Variants in CERT1 observed in about 807,000 individuals in gnomAD.
The protein encoded by CERT1 is ceramide transfer protein.
Under a neutral mutation model 87.9 loss-of-function variants are expected in CERT1, and 31 were observed. That is an observed-to-expected ratio of 0.35 (90% CI 0.27 to 0.48). The LOEUF (loss-of-function observed/expected upper bound fraction) is 0.48, where lower values mean the gene tolerates loss of function less well. CERT1 is among the 20% of genes least tolerant of loss of function. CERT1 has a pLI of 0.99. For missense variants in CERT1, 487 were observed against 758.0 expected (o/e 0.64, Z 4.20); for synonymous variants, 289 against 250.9 (o/e 1.15, Z -1.44).
At chr5:75,456,707 T>C (rs985490160) in intron 3 of CERT1, among the ~76,000 whole-genome samples, 1 of 146,576 alleles carries the variant, frequency 6.8e-6, no homozygotes, top group Non-Finnish European at 1.5e-5. Context: ...ACTTGTACAA[T>C]GCATCACAAC....
chr5:75,379,123 A>T lies in CERT1; in HGVS notation c.*223T>A. 2.3e-6 allele frequency: 1 copy of T among 434,162 alleles called. No individual in the cohort carries two copies. The allele number at this position is 434,162 out of a possible 1,614,324, so 26.9% of individuals were successfully genotyped here. On this transcript the variant is annotated 3_prime_UTR_variant, in exon 17 of 17. Coordinates refer to ENST00000643780, the MANE Select transcript of CERT1 (RefSeq NM_001379029.1). ...GTTTGAGGCCAGAGGTTGAGGTTGC[A>T]GTGAGCCGTGATGGTGTCATTGCAC...
intron 2 of CERT1, among the ~76,000 whole-genome samples, chr5:75,504,304 C>T (rs1197532789): frequency 6.6e-6 from 1 of 152,008 alleles, no homozygotes; most frequent in Non-Finnish European, 1.5e-5. Context: ...GTACCACATA[C>T]CAGTCAAAAT....
Position 75,484,142 on chromosome 5 carries a change from G to A in CERT1, c.231+21840C>T, listed in dbSNP as rs12519897. Among the ~76,000 whole-genome samples, 1,407 of 151,940 alleles carry A rather than the reference G, an allele frequency of 9.3e-3. 54 individuals are homozygous for A. Among genetic ancestry groups the A allele is most frequent in the Admixed American group, 0.077 (1,178 of 15,262 alleles). Reference sequence around the variant, plus strand: ...TCTGTTTCTTAGTTTGTTTCTTTTTGTAACCAGTGCTAAGTTATCATGAGT... The same window carrying A: ...TCTGTTTCTTAGTTTGTTTCTTTTTATAACCAGTGCTAAGTTATCATGAGT... On this transcript the variant is annotated intron_variant, in intron 2 of 16. Transcript: ENST00000643780.
chr5:75,428,911 TATG>T (rs1303734630), intron 3 of CERT1, among the ~76,000 whole-genome samples: 5 of 152,084 alleles, frequency 3.3e-5, no homozygotes, highest in South Asian at 2.1e-4. Context: ...TTTACATTTG[TATG>T]ATAATTACAT....
intron 2 of CERT1, among the ~76,000 whole-genome samples, chr5:75,460,406 T>C (rs1239059396): frequency 6.6e-6 from 1 of 152,224 alleles, no homozygotes; most frequent in East Asian, 1.9e-4. Flanking sequence ...ATGAGCTATC[T>C]AGAGAAAACT....
chr5:75,487,811 C>T (rs10474437), intron 2 of CERT1, among the ~76,000 whole-genome samples: 18,954 of 151,612 alleles, frequency 0.13, 1,291 homozygotes, highest in East Asian at 0.23. Flanking sequence ...TATAAGTGTC[C>T]GACAACAGAT....
intron 17 of CERT1, chr5:75,369,518 A>C (rs1204732104): frequency 6.6e-6 from 1 of 152,156 alleles, no homozygotes; most frequent in Non-Finnish European, 1.5e-5. Context: ...AATGGGAAAA[A>C]AAAAAACTTA....
intron 8 of CERT1, among the ~76,000 whole-genome samples, chr5:75,409,001 T>C (rs1324831998): frequency 6.6e-6 from 1 of 152,090 alleles, no homozygotes; most frequent in Non-Finnish European, 1.5e-5. Flanking sequence ...TACATACTGC[T>C]GGTAGATGAT....
chr5:75,485,333 A>AAAAAAAAAAAAAT, intron 2 of CERT1, among the ~76,000 whole-genome samples: 1 of 149,114 alleles, frequency 6.7e-6, no homozygotes, highest in Admixed American at 6.7e-5. Flanking sequence ...AAAAAAAAAA[A>AAAAAAAAAAAAAT]AAAAGAACAA....
intron 10 of CERT1, among the ~76,000 whole-genome samples, chr5:75,399,597 A>G (rs1172606248): frequency 1.3e-5 from 2 of 152,230 alleles, no homozygotes; most frequent in African/African-American, 4.8e-5. Context: ...AATAATACAA[A>G]GTAATACCAT....
intron 2 of CERT1, among the ~76,000 whole-genome samples, chr5:75,485,312 C>CGAAAAAAAAAAAAAA (rs1766461038): frequency 2.2e-5 from 1 of 46,438 alleles, no homozygotes. Context: ...CACAAAAATA[C>CGAAAAAAAAAAAAAA]AAAAAAAAAA....
chr5:75,459,413 T>G (rs1006212722), intron 2 of CERT1, among the ~76,000 whole-genome samples: 44 of 152,296 alleles, frequency 2.9e-4, no homozygotes, highest in African/African-American at 1.0e-3. Flanking sequence ...GCTACAAACA[T>G]CTATTTCTAA....
chr5:75,392,356 GA>G (rs1762061016), intron 11 of CERT1, among the ~76,000 whole-genome samples: 1 of 152,110 alleles, frequency 6.6e-6, no homozygotes, highest in Admixed American at 6.6e-5. Flanking sequence ...GTCCAACAAA[GA>G]AACAAACATT....
chr5:75,510,120 T>C (rs1232024842), intron 1 of CERT1, among the ~76,000 whole-genome samples: 1 of 152,180 alleles, frequency 6.6e-6, no homozygotes, highest in Non-Finnish European at 1.5e-5. Flanking sequence ...GGTGATTTCT[T>C]AATAGCCACT....
At chr5:75,409,575 G>A (rs947338725) in intron 8 of CERT1, among the ~76,000 whole-genome samples, 2 of 152,054 alleles carry the variant, frequency 1.3e-5, no homozygotes, top group African/African-American at 4.8e-5. Flanking sequence ...TGCCCAGGCT[G>A]GAGCGCAGTG....
chr5:75,397,115 T>C (rs1473338966), intron 11 of CERT1, among the ~76,000 whole-genome samples: 1 of 152,222 alleles, frequency 6.6e-6, no homozygotes, highest in East Asian at 1.9e-4. Flanking sequence ...AAGGAACTGC[T>C]GAACATAAGG....
intron 2 of CERT1, among the ~76,000 whole-genome samples, chr5:75,467,010 T>C (rs561349589): frequency 6.6e-6 from 1 of 152,258 alleles, no homozygotes; most frequent in South Asian, 2.1e-4. Context: ...CACAAAAACA[T>C]ACAGAAAAAT....
At chr5:75,462,080 T>C (rs1765256324) in intron 2 of CERT1, among the ~76,000 whole-genome samples, 1 of 152,224 alleles carries the variant, frequency 6.6e-6, no homozygotes, top group Non-Finnish European at 1.5e-5. Flanking sequence ...TATTGAGTTT[T>C]TTCTTGCTTC....
At chr5:75,421,509 A>G (rs1313220559) in intron 5 of CERT1, among the ~76,000 whole-genome samples, 1 of 152,188 alleles carries the variant, frequency 6.6e-6, no homozygotes, top group Non-Finnish European at 1.5e-5. Context: ...CACTTCCATC[A>G]TTCCTACAGA....
Sources: gnomAD v4.1 joint callset for allele counts (sites outside exome capture counted in the v4.1 genomes callset) on GRCh38, gnomAD v4.1.1 for gene constraint, MANE v1.5 for transcripts, NCBI Gene and HGNC (gene_info 2026-07-23, HGNC 2026-07-21) for gene names.